Variants in VPS53 observed in about 807,000 individuals in gnomAD.
VPS53 encodes vacuolar protein sorting-associated protein 53 homolog.
In VPS53, 70 loss-of-function variants were observed where a neutral mutation model predicts 107.0. The ratio of observed to expected loss-of-function variants is 0.65; its 90% CI spans 0.54 to 0.80. VPS53 has a LOEUF of 0.80. VPS53 is among the 30% of genes least tolerant of loss of function. The probability of loss-of-function intolerance (pLI) is 0.00; values close to 1 mark genes in which losing one functional copy is unlikely to be tolerated. For synonymous variants in VPS53, 409 were observed against 393.3 expected, an observed-to-expected ratio of 1.04 and a Z score of -0.47; for missense variants, 917 against 1,049.4, an observed-to-expected ratio of 0.87 and a Z score of 1.74.
At chr17:608,445 G>C (rs1294711552) in intron 11 of VPS53, among the ~76,000 whole-genome samples, 1 of 152,142 alleles carries the variant, frequency 6.6e-6, no homozygotes, top group Non-Finnish European at 1.5e-5. Flanking sequence ...GTATATGTGT[G>C]CAAGCGTGCT....
intron 13 of VPS53, among the ~76,000 whole-genome samples, chr17:577,315 TC>T (rs1914708009): frequency 6.9e-6 from 1 of 144,290 alleles, no homozygotes; most frequent in South Asian, 2.2e-4. Flanking sequence ...CTAGAGAATC[TC>T]CCACAGAACC....
At chr17:563,452 T>C (rs1913214020) in intron 13 of VPS53, among the ~76,000 whole-genome samples, 1 of 152,080 alleles carries the variant, frequency 6.6e-6, no homozygotes, top group African/African-American at 2.4e-5. Context: ...CACGCCACCA[T>C]GCCCAGCTAA....
At chr17:709,625 C>G (rs73283551) in intron 2 of VPS53, among the ~76,000 whole-genome samples, 7,577 of 152,162 alleles carry the variant, frequency 0.05, 627 homozygotes, top group African/African-American at 0.17. Flanking sequence ...CATCTCTGCA[C>G]CCTCAGCACC....
intron 7 of VPS53, among the ~76,000 whole-genome samples, chr17:644,775 G>T (rs543419298): frequency 6.6e-6 from 1 of 152,144 alleles, no homozygotes; most frequent in Admixed American, 6.5e-5. Flanking sequence ...GTAGAGACAG[G>T]GTTTCACCAT....
At chr17:648,891 ACT>A in intron 7 of VPS53, among the ~76,000 whole-genome samples, 1 of 130,644 alleles carries the variant, frequency 7.7e-6, no homozygotes, top group African/African-American at 2.9e-5. Context: ...TGGAACAGGC[ACT>A]AAGATCTTAC....
chr17:560,400 G>A (rs1206269616), intron 15 of VPS53, 26 bp downstream of exon 15: 1 of 1,602,046 alleles, frequency 6.2e-7, no homozygotes, highest in Admixed American at 1.7e-5. Context: ...AAAGGAGGTG[G>A]TGAGTGGGCA....
At chr17:587,326 G>T (rs916369536) in intron 12 of VPS53, among the ~76,000 whole-genome samples, 2 of 152,208 alleles carry the variant, frequency 1.3e-5, no homozygotes, top group Non-Finnish European at 2.9e-5. Context: ...ACCTCCCAAA[G>T]TGCTGGGCTT....
chr17:649,854 C>T (rs1970868526), intron 7 of VPS53, among the ~76,000 whole-genome samples: 2 of 152,180 alleles, frequency 1.3e-5, no homozygotes, highest in Non-Finnish European at 2.9e-5. Flanking sequence ...ATATTATGCC[C>T]ATGAGAAAAG....
Position 532,842 on chromosome 17 carries a change from C to T in VPS53, c.2085G>A (p.Gln695=). Residue 695 remains glutamine, a splice_region_variant and synonymous_variant, in exon 19 of 22, where the codon CAG becomes CAA. Transcript: ENST00000437048. ...ATGCCTGATACTACGTCCATCTCAC[C>T]TGTTCTGCTCCCACCATGCTAATTG... ...CKPISMVGAE[Q]LLLDTHSLKM... is the part of the protein sequence containing the mutation. The T allele has an allele frequency of 6.2e-7, 1 of 1,614,002 alleles. No individual in the cohort carries two copies. The highest frequency in any genetic ancestry group is 2.2e-5 in the East Asian group (1 of 44,876).
chr17:646,330 T>C lies in VPS53; in HGVS notation c.608+6961A>G, dbSNP rs77084766. Among the ~76,000 whole-genome samples, 405 of 53,642 alleles carry C rather than the reference T, an allele frequency of 7.6e-3. 2 individuals carry two copies. Among genetic ancestry groups the C allele is most frequent in the African/African-American group, 0.01 (146 of 14,324 alleles). The allele number at this position is 53,642 out of a possible 152,430, so 35.2% of individuals were successfully genotyped here. ...GGCCTCTGCCTGATAAGGGTCTTATTTTTTCTAATCCATACTACGGACTGG... is the reference window on the plus strand; with the variant it reads ...GGCCTCTGCCTGATAAGGGTCTTATCTTTTCTAATCCATACTACGGACTGG... On this transcript the variant is annotated intron_variant, in intron 7 of 21. Coordinates refer to ENST00000437048, the MANE Select transcript of VPS53 (RefSeq NM_001128159.3).
intron 17 of VPS53, chr17:537,866 C>T (rs918747279): frequency 6.6e-6 from 1 of 152,086 alleles, no homozygotes; most frequent in African/African-American, 2.4e-5. Context: ...GAATCTTACA[C>T]TCCTAAAACC....
At chr17:548,380 T>C (rs568825164) in intron 17 of VPS53, among the ~76,000 whole-genome samples, 8 of 147,800 alleles carry the variant, frequency 5.4e-5, no homozygotes, top group Non-Finnish European at 1.0e-4. Context: ...ACAGTCCTTC[T>C]GGAATCATCC....
intron 19 of VPS53, among the ~76,000 whole-genome samples, chr17:531,415 T>C (rs528042301): frequency 5.7e-4 from 86 of 152,164 alleles, no homozygotes; most frequent in Non-Finnish European, 1.0e-3. Context: ...TAAAAAATAA[T>C]AACAATAATG....
chr17:699,457 A>G (rs1973114122), intron 2 of VPS53, 77 bp from the exon 3 acceptor site: 1 of 1,201,506 alleles, frequency 8.3e-7, no homozygotes, highest in South Asian at 1.8e-5. Flanking sequence ...ATGATGTGCT[A>G]TAATAGCTAC....
intron 19 of VPS53, among the ~76,000 whole-genome samples, chr17:528,567 T>G (rs1440825179): frequency 6.6e-6 from 1 of 151,814 alleles, no homozygotes; most frequent in South Asian, 2.1e-4. Flanking sequence ...TGTACAAGCT[T>G]TTGTGTGAAC....
chr17:702,695 T>G (rs78866387), intron 2 of VPS53, among the ~76,000 whole-genome samples: 3,845 of 152,068 alleles, frequency 0.025, 59 homozygotes, highest in East Asian at 0.069. Flanking sequence ...GAGAAAGAAA[T>G]ATCCTAAAGT....
At chr17:698,843 T>C (rs1973085092) in intron 3 of VPS53, among the ~76,000 whole-genome samples, 1 of 152,210 alleles carries the variant, frequency 6.6e-6, no homozygotes, top group Admixed American at 6.5e-5. Context: ...GCCAAAGCAT[T>C]GAGTTCCTTG....
intron 14 of VPS53, among the ~76,000 whole-genome samples, chr17:562,138 G>C (rs1913058105): frequency 6.6e-6 from 1 of 152,152 alleles, no homozygotes; most frequent in African/African-American, 2.4e-5. Context: ...ACCAAAAGAG[G>C]CTTGGGTGAA....
At chr17:611,564 C>G (rs1172454608) in intron 11 of VPS53, among the ~76,000 whole-genome samples, 1 of 152,220 alleles carries the variant, frequency 6.6e-6, no homozygotes, top group Admixed American at 6.5e-5. Flanking sequence ...TACCATGTGA[C>G]CCAGCAATTC....
Sources: allele counts gnomAD v4.1 joint callset (sites outside exome capture counted in the v4.1 genomes callset), GRCh38; gene constraint gnomAD v4.1.1; transcripts MANE v1.5; gene names NCBI Gene and HGNC (gene_info 2026-07-23, HGNC 2026-07-21).